The following RHBDD1 variants were observed in gnomAD, a reference collection of about 807,000 sequenced individuals.
The protein encoded by RHBDD1 is rhomboid-related protein 4.
RHBDD1 carries 38 observed loss-of-function variants against 36.3 expected under a neutral mutation model. The ratio of observed to expected loss-of-function variants is 1.05; its 90% CI spans 0.81 to 1.37. RHBDD1 has a LOEUF of 1.37. Among genes scored for constraint, RHBDD1 ranks in the 40% most tolerant of loss-of-function variants. RHBDD1 has a pLI of 0.00. For missense variants in RHBDD1, 393 were observed against 377.6 expected, an observed-to-expected ratio of 1.04 and a Z score of -0.34; for synonymous variants, 151 against 136.5, an observed-to-expected ratio of 1.11 and a Z score of -0.74.
chr2:226,988,445 T>G, intron 8 of RHBDD1: 1 of 1,549,746 alleles, frequency 6.5e-7, no homozygotes, highest in South Asian at 1.2e-5. Flanking sequence ...AGTTTGGACC[T>G]AAGGAATCCT....
chr2:226,913,982 C>T (rs1948712233), intron 7 of RHBDD1, among the ~76,000 whole-genome samples: 1 of 152,218 alleles, frequency 6.6e-6, no homozygotes, highest in Admixed American at 6.5e-5. Context: ...ATTAATATCT[C>T]CTTTCCTCAT....
At position 226,989,381 on chromosome 2, in the gene RHBDD1, C is replaced by T. The variant is rs1236618565; in HGVS notation, c.857-6050C>T. On this transcript the variant is annotated intron_variant, in intron 8 of 8. Transcript: ENST00000392062. The stretch of plus-strand genomic sequence containing the variant: ...CAGGATCATGGGTACTGTTGGGTAA[C>T]GGGGTATAGTAACTGGAAGGGGGCT... Among the ~76,000 whole-genome samples, 4 of 152,010 alleles carry T rather than the reference C, an allele frequency of 2.6e-5. 1 individual carries two copies. The highest frequency in any genetic ancestry group is 3.9e-4 in the East Asian group (2 of 5,194).
the RHBDD1 span, among the ~76,000 whole-genome samples, chr2:226,827,225 A>G: frequency 6.6e-6 from 1 of 152,212 alleles, no homozygotes; most frequent in Non-Finnish European, 1.5e-5. Flanking sequence ...TTGGCCTCCC[A>G]AAGTGCTGAG....
At chr2:226,918,495 CTT>C (rs2125744963) in intron 8 of RHBDD1, among the ~76,000 whole-genome samples, 1 of 152,076 alleles carries the variant, frequency 6.6e-6, no homozygotes, top group African/African-American at 2.4e-5. Context: ...TGGTAACCGT[CTT>C]TTCACTCTCT....
chr2:226,908,482 T>G (rs1461854037), intron 6 of RHBDD1: 1 of 230,100 alleles, frequency 4.3e-6, no homozygotes, highest in Non-Finnish European at 8.6e-6. Flanking sequence ...TTAGCCAGAG[T>G]GTCTCTGCTT....
intron 8 of RHBDD1, among the ~76,000 whole-genome samples, chr2:226,992,654 TGGAA>T (rs1958503794): frequency 6.6e-6 from 1 of 152,226 alleles, no homozygotes; most frequent in Non-Finnish European, 1.5e-5. Flanking sequence ...GAACTTAGAC[TGGAA>T]CTTCTTATTT....
chr2:226,924,027 C>T (rs749243587), intron 8 of RHBDD1, among the ~76,000 whole-genome samples: 7 of 152,046 alleles, frequency 4.6e-5, no homozygotes, highest in Non-Finnish European at 8.8e-5. Context: ...ACCTAAGCTG[C>T]AAGACAAAGT....
chr2:226,921,728 T>C, intron 8 of RHBDD1, among the ~76,000 whole-genome samples: 1 of 152,308 alleles, frequency 6.6e-6, no homozygotes, highest in East Asian at 1.9e-4. Flanking sequence ...TTTTCAACTT[T>C]TTAATATACT....
chr2:226,934,396 T>C, intron 8 of RHBDD1, among the ~76,000 whole-genome samples: 1 of 152,064 alleles, frequency 6.6e-6, no homozygotes, highest in East Asian at 1.9e-4. Flanking sequence ...TCAGAACATA[T>C]CCCTGTGGTT....
At chr2:226,834,277 G>A (rs1940814730), upstream of RHBDD1, among the ~76,000 whole-genome samples, 1 of 152,180 alleles carries the variant, frequency 6.6e-6, no homozygotes, top group Non-Finnish European at 1.5e-5. Context: ...GATAAATGAG[G>A]ACTTCTTCCT....
upstream of RHBDD1, among the ~76,000 whole-genome samples, chr2:226,835,304 G>C (rs1321938694): frequency 6.6e-6 from 1 of 152,170 alleles, no homozygotes; most frequent in Non-Finnish European, 1.5e-5. Flanking sequence ...ACTTGCTCCC[G>C]AGTAGCAAAC....
At chr2:226,966,711 G>A (rs1023059288) in intron 8 of RHBDD1, among the ~76,000 whole-genome samples, 3 of 152,184 alleles carry the variant, frequency 2.0e-5, no homozygotes, top group African/African-American at 7.2e-5. Flanking sequence ...AGTGTTGCCT[G>A]GAAGCTTGTT....
Position 226,836,091 on chromosome 2 carries a change from A to G in RHBDD1, c.-392+4A>G, listed in dbSNP as rs1034002182. The stretch of plus-strand genomic sequence containing the variant: ...ACGCAGGCGGGTCGTAGAGAGCGTG[A>G]GTTTCCGCGTCTGTTTGGTCCGGCT... On this transcript the variant is annotated splice_donor_region_variant and intron_variant, in intron 1 of 8. Transcript: ENST00000392062. 2.6e-5 allele frequency: 4 copies of G among 152,700 alleles called. No individual in the cohort carries two copies. The highest frequency in any genetic ancestry group is 7.2e-5 in the African/African-American group (3 of 41,442). The allele number at this position is 152,700 out of a possible 1,614,324, so 9.5% of individuals were successfully genotyped here. A position where few individuals can be genotyped will look rare whatever the true frequency, so the allele number is the denominator to read the frequency against.
intron 8 of RHBDD1, among the ~76,000 whole-genome samples, chr2:226,985,811 A>G (rs988134760): frequency 1.3e-5 from 2 of 152,234 alleles, no homozygotes; most frequent in African/African-American, 4.8e-5. Context: ...CCAGACCACT[A>G]TATCCTACTC....
At chr2:226,814,806 A>T in the RHBDD1 span, among the ~76,000 whole-genome samples, 1 of 152,306 alleles carries the variant, frequency 6.6e-6, no homozygotes, top group Non-Finnish European at 1.5e-5. Context: ...AAAGTTAATT[A>T]CTCACAGAAA....
At chr2:226,948,218 C>T (rs2149201045) in intron 8 of RHBDD1, among the ~76,000 whole-genome samples, 1 of 146,720 alleles carries the variant, frequency 6.8e-6, no homozygotes, top group East Asian at 2.0e-4. Context: ...ACATATACAC[C>T]ATGGAATACT....
intron 3 of RHBDD1, among the ~76,000 whole-genome samples, chr2:226,852,116 ATT>A (rs998298525): frequency 6.6e-6 from 1 of 152,084 alleles, no homozygotes; most frequent in Non-Finnish European, 1.5e-5. Flanking sequence ...TGCTTCTTGA[ATT>A]TTGTTGAATC....
At chr2:226,811,881 A>G in the RHBDD1 span, among the ~76,000 whole-genome samples, 4 of 152,174 alleles carry the variant, frequency 2.6e-5, no homozygotes, top group Non-Finnish European at 5.9e-5. Flanking sequence ...CATAGGGTTC[A>G]CCAATCCACC....
At chr2:226,842,471 A>G (rs951895917) in intron 3 of RHBDD1, among the ~76,000 whole-genome samples, 2 of 151,894 alleles carry the variant, frequency 1.3e-5, no homozygotes, top group African/African-American at 2.4e-5. Context: ...TTTGTATGTA[A>G]TATAAGGGGT....
Sources: allele counts gnomAD v4.1 joint callset (sites outside exome capture counted in the v4.1 genomes callset), GRCh38; gene constraint gnomAD v4.1.1; transcripts MANE v1.5; gene names NCBI Gene and HGNC (gene_info 2026-07-23, HGNC 2026-07-21).